EPB41L4A: variants seen among roughly 807,000 people sequenced by gnomAD.
EPB41L4A encodes band 4.1-like protein 4A.
Under a neutral mutation model 108.6 loss-of-function variants are expected in EPB41L4A, and 100 were observed. That is an observed-to-expected ratio of 0.92 (90% confidence interval 0.78 to 1.09). EPB41L4A has a LOEUF of 1.09. Among genes scored for constraint, EPB41L4A ranks in the 50% least tolerant of loss-of-function variants. EPB41L4A has a pLI of 0.00. For missense variants in EPB41L4A, 1,030 were observed against 842.7 expected, an observed-to-expected ratio of 1.22 and a Z score of -2.75; for synonymous variants, 319 against 289.0, an observed-to-expected ratio of 1.10 and a Z score of -1.05.
intron 1 of EPB41L4A, among the ~76,000 whole-genome samples, chr5:112,382,265 G>A (rs1049968395): frequency 1.6e-4 from 25 of 151,762 alleles, no homozygotes; most frequent in African/African-American, 5.1e-4. Flanking sequence ...CACATCATTC[G>A]AAAGTTCTAA....
intron 13 of EPB41L4A, among the ~76,000 whole-genome samples, chr5:112,208,272 C>T (rs999977913): frequency 1.4e-5 from 2 of 139,026 alleles, no homozygotes; most frequent in Non-Finnish European, 3.1e-5. Context: ...AAGACACATA[C>T]ACTTACATGC....
chr5:112,245,783 G>GA (rs1265707295), intron 9 of EPB41L4A, among the ~76,000 whole-genome samples: 3 of 152,212 alleles, frequency 2.0e-5, no homozygotes, highest in Admixed American at 2.0e-4. Context: ...ACTGCTCAGG[G>GA]AGAGTGCGCA....
At chr5:112,390,485 G>C (rs1362152634) in intron 1 of EPB41L4A, among the ~76,000 whole-genome samples, 3 of 152,176 alleles carry the variant, frequency 2.0e-5, no homozygotes, top group Admixed American at 2.0e-4. Context: ...CTGACAGCCT[G>C]GGTGGGGGAG....
chr5:112,380,383 T>A (rs1254921342), intron 1 of EPB41L4A, among the ~76,000 whole-genome samples: 1 of 152,212 alleles, frequency 6.6e-6, no homozygotes, highest in Non-Finnish European at 1.5e-5. Flanking sequence ...GTTGTAACTT[T>A]ATTCTGTTAA....
chr5:112,284,420 C>T (rs1753154281), intron 2 of EPB41L4A, among the ~76,000 whole-genome samples: 1 of 152,146 alleles, frequency 6.6e-6, no homozygotes, highest in African/African-American at 2.4e-5. Flanking sequence ...TGGTGTGCTG[C>T]CTCTTGCATA....
intron 2 of EPB41L4A, among the ~76,000 whole-genome samples, chr5:112,298,951 C>T (rs1360347431): frequency 3.9e-5 from 6 of 152,122 alleles, no homozygotes; most frequent in Admixed American, 2.6e-4. Context: ...TTCATAGTAG[C>T]CTTGAATGAT....
At position 112,293,420 on chromosome 5, in the gene EPB41L4A, A is replaced by G. The variant is rs545626386; in HGVS notation, c.205-13097T>C. ...AAGAAGGCATTGGGTGCCATTAACA[A>G]AGAAAACTTTCTCTCCAAGATAGAA... On this transcript the variant is annotated intron_variant, in intron 2 of 22. Transcript: ENST00000261486. Among the ~76,000 whole-genome samples the G allele has an allele frequency of 1.4e-3, 213 of 151,652 alleles. 4 individuals are homozygous for G. Among genetic ancestry groups the G allele is most frequent in the Non-Finnish European group, 3.7e-4 (25 of 67,930 alleles).
intron 12 of EPB41L4A, among the ~76,000 whole-genome samples, chr5:112,231,642 G>A (rs897732706): frequency 4.6e-5 from 7 of 151,118 alleles, no homozygotes; most frequent in African/African-American, 7.3e-5. Flanking sequence ...AAAAGTAGCC[G>A]GGCGCGGTGG....
At chr5:112,175,870 A>G (rs574317312) in intron 18 of EPB41L4A, among the ~76,000 whole-genome samples, 141 of 152,076 alleles carry the variant, frequency 9.3e-4, no homozygotes, top group South Asian at 1.7e-3. Flanking sequence ...GCCTCAAGCA[A>G]TCATCCCTCC....
intron 15 of EPB41L4A, among the ~76,000 whole-genome samples, chr5:112,200,500 C>T (rs573387394): frequency 8.5e-5 from 13 of 152,272 alleles, no homozygotes; most frequent in African/African-American, 3.1e-4. Flanking sequence ...CACATATATT[C>T]CTATGACTCA....
intron 1 of EPB41L4A, among the ~76,000 whole-genome samples, chr5:112,361,794 G>A (rs1297801124): frequency 1.3e-5 from 2 of 152,062 alleles, no homozygotes; most frequent in East Asian, 3.9e-4. Context: ...GGCTGAGGCA[G>A]GAGGATCAAC....
intron 12 of EPB41L4A, 25 bp downstream of exon 12, chr5:112,234,609 A>G: frequency 2.5e-6 from 4 of 1,609,640 alleles, no homozygotes; most frequent in Non-Finnish European, 3.4e-6. Context: ...GGTTACATAG[A>G]TAACTCAGGG....
intron 18 of EPB41L4A, among the ~76,000 whole-genome samples, chr5:112,177,688 C>G (rs994517087): frequency 6.6e-6 from 1 of 151,832 alleles, no homozygotes; most frequent in Admixed American, 6.6e-5. Context: ...GCACAAAGCA[C>G]AAGTGGAGCT....
At chr5:112,377,909 G>C (rs562414621) in intron 1 of EPB41L4A, among the ~76,000 whole-genome samples, 39 of 151,894 alleles carry the variant, frequency 2.6e-4, no homozygotes, top group Admixed American at 3.9e-4. Flanking sequence ...CAGTTCTCAG[G>C]GGGAACAAAA....
At chr5:112,277,693 A>G (rs985924619) in intron 3 of EPB41L4A, among the ~76,000 whole-genome samples, 5 of 152,208 alleles carry the variant, frequency 3.3e-5, no homozygotes, top group Non-Finnish European at 5.9e-5. Context: ...ATACAAAATA[A>G]TAATACCTTT....
chr5:112,166,109 G>T (rs992315102), intron 22 of EPB41L4A, among the ~76,000 whole-genome samples: 3 of 152,140 alleles, frequency 2.0e-5, no homozygotes, highest in Non-Finnish European at 4.4e-5. Flanking sequence ...GTCTAGGATT[G>T]AATCTGTCCA....
At chr5:112,240,967 T>G (rs1183933263) in intron 9 of EPB41L4A, among the ~76,000 whole-genome samples, 157 bp from the exon 10 acceptor site, 2 of 152,052 alleles carry the variant, frequency 1.3e-5, no homozygotes, top group Non-Finnish European at 2.9e-5. Flanking sequence ...TTTGGAGAGG[T>G]GCATTAAAAT....
chr5:112,365,279 C>T (rs1425593317), intron 1 of EPB41L4A, among the ~76,000 whole-genome samples: 1 of 152,152 alleles, frequency 6.6e-6, no homozygotes, highest in Admixed American at 6.5e-5. Flanking sequence ...TAGCATACTA[C>T]AGCCTCAAAC....
intron 1 of EPB41L4A, among the ~76,000 whole-genome samples, chr5:112,341,070 T>G (rs1757285615): frequency 2.0e-5 from 3 of 152,186 alleles, no homozygotes. Context: ...CCATCTCTCC[T>G]ATCCCCATCA....
Sources: allele counts gnomAD v4.1 joint callset (sites outside exome capture counted in the v4.1 genomes callset), GRCh38; gene constraint gnomAD v4.1.1; transcripts MANE v1.5; gene names NCBI Gene and HGNC (gene_info 2026-07-23, HGNC 2026-07-21).